EIF4G3: variants seen among roughly 807,000 people sequenced by gnomAD.
The protein encoded by EIF4G3 is eIF-4-gamma 3.
In EIF4G3, 34 loss-of-function variants were observed where a neutral mutation model predicts 186.4. The ratio of observed to expected loss-of-function variants is 0.18; its 90% confidence interval spans 0.14 to 0.24. The LOEUF is 0.24. EIF4G3 is among the 10% of genes least tolerant of loss of function. The pLI is 1.00. For synonymous variants in EIF4G3, 673 were observed against 679.5 expected (o/e 0.99, Z 0.15); for missense variants, 1,536 against 1,948.5 (o/e 0.79, Z 3.99).
intron 3 of EIF4G3, among the ~76,000 whole-genome samples, chr1:21,084,497 C>T (rs1342084625): frequency 1.3e-5 from 2 of 152,158 alleles, no homozygotes; most frequent in Non-Finnish European, 2.9e-5. Context: ...CACCAGGTCC[C>T]TCCCCTGACT....
At chr1:21,160,015 GCT>G in intron 2 of EIF4G3, among the ~76,000 whole-genome samples, 1 of 151,596 alleles carries the variant, frequency 6.6e-6, no homozygotes, top group Non-Finnish European at 1.5e-5. Context: ...CTGTGTTCAA[GCT>G]AATCGCTTGA....
chr1:21,090,599 C>A (rs2096159438), intron 2 of EIF4G3, among the ~76,000 whole-genome samples: 1 of 152,180 alleles, frequency 6.6e-6, no homozygotes, highest in African/African-American at 2.4e-5. Context: ...CAGTCAGTAC[C>A]TCCTTAAAAG....
chr1:21,085,213 T>A (rs1227774154), intron 3 of EIF4G3, among the ~76,000 whole-genome samples: 2 of 152,076 alleles, frequency 1.3e-5, no homozygotes, highest in Non-Finnish European at 2.9e-5. Context: ...CTAGAAGTTT[T>A]CATTTTTACT....
intron 34 of EIF4G3, among the ~76,000 whole-genome samples, chr1:20,815,862 T>G (rs1306951809): frequency 2.2e-5 from 2 of 91,834 alleles, no homozygotes; most frequent in African/African-American, 4.3e-5. Context: ...AGCCGCCCCG[T>G]CCGGGAGGGG....
intron 2 of EIF4G3, among the ~76,000 whole-genome samples, chr1:21,139,786 G>T (rs1469497235): frequency 6.6e-6 from 1 of 152,022 alleles, no homozygotes; most frequent in Non-Finnish European, 1.5e-5. Flanking sequence ...AGACAGCCCT[G>T]AACACCTGGC....
intron 3 of EIF4G3, among the ~76,000 whole-genome samples, chr1:21,062,666 T>C (rs2094984739): frequency 6.6e-6 from 1 of 152,186 alleles, no homozygotes; most frequent in African/African-American, 2.4e-5. Context: ...CTTGGCTCAC[T>C]GCAACCACTG....
Position 21,144,824 on chromosome 1 carries a change from T to A in EIF4G3, c.-272+31351A>T, listed in dbSNP as rs2097406939. On this transcript the variant is annotated intron_variant, in intron 2 of 36. Coordinates refer to ENST00000602326, the MANE Select transcript of EIF4G3 (RefSeq NM_001391906.1). Reference sequence around the variant, plus strand: ...TCATAAGCTTTCTACCTCCTAATCCTTGAAATAGAGGGTTCTCAAACTATG... The same window carrying A: ...TCATAAGCTTTCTACCTCCTAATCCATGAAATAGAGGGTTCTCAAACTATG... Among the ~76,000 whole-genome samples the A allele has an allele frequency of 2.0e-5, 3 of 152,168 alleles. No individual in the cohort carries two copies. In the South Asian group the frequency reaches 6.2e-4, roughly 32 times the overall value.
intron 4 of EIF4G3, among the ~76,000 whole-genome samples, chr1:21,044,354 C>G (rs1432957586): frequency 6.6e-6 from 1 of 152,074 alleles, no homozygotes; most frequent in Non-Finnish European, 1.5e-5. Context: ...GCTAAAGAAT[C>G]CTGGTAAGCT....
At chr1:20,819,638 A>G (rs1332028878) in intron 33 of EIF4G3, among the ~76,000 whole-genome samples, 7 of 152,102 alleles carry the variant, frequency 4.6e-5, no homozygotes, top group Non-Finnish European at 8.8e-5. Context: ...AAATGGTGAC[A>G]ATACATGGAC....
At chr1:20,971,980 T>C (rs1050672109) in intron 11 of EIF4G3, among the ~76,000 whole-genome samples, 2 of 152,126 alleles carry the variant, frequency 1.3e-5, no homozygotes, top group African/African-American at 4.8e-5. Flanking sequence ...AGAGTATTGC[T>C]ATAAATCACC....
intron 2 of EIF4G3, among the ~76,000 whole-genome samples, chr1:21,145,029 G>A (rs955848961): frequency 6.6e-6 from 1 of 152,030 alleles, no homozygotes; most frequent in African/African-American, 2.4e-5. Context: ...TGTAATTCTA[G>A]CACTTTGGGA....
chr1:20,883,121 T>G (rs543460836), intron 19 of EIF4G3, among the ~76,000 whole-genome samples: 33 of 151,992 alleles, frequency 2.2e-4, no homozygotes, highest in Admixed American at 3.9e-4. Flanking sequence ...AAATATCTAG[T>G]TGATGTCCAG....
intron 2 of EIF4G3, among the ~76,000 whole-genome samples, chr1:21,108,647 T>A (rs767897920): frequency 6.8e-6 from 1 of 146,018 alleles, no homozygotes; most frequent in South Asian, 2.2e-4. Flanking sequence ...CTGACACCTG[T>A]AATCCCAGCA....
chr1:20,872,736 T>TTG, intron 20 of EIF4G3, among the ~76,000 whole-genome samples: 1 of 147,784 alleles, frequency 6.8e-6, no homozygotes, highest in Non-Finnish European at 1.5e-5. Flanking sequence ...TTTTTTTTTT[T>TTG]GAGACAGAGC....
intron 29 of EIF4G3, among the ~76,000 whole-genome samples, chr1:20,842,529 GGCTAA>G: frequency 6.6e-6 from 1 of 152,080 alleles, no homozygotes; most frequent in African/African-American, 2.4e-5. Context: ...CACTACGCCT[GGCTAA>G]TTTTGTATTT....
intron 7 of EIF4G3, among the ~76,000 whole-genome samples, chr1:20,989,882 TAA>T (rs2080668954): frequency 6.6e-6 from 1 of 151,988 alleles, no homozygotes; most frequent in Non-Finnish European, 1.5e-5. Flanking sequence ...TTTCATGAAA[TAA>T]AGAGTCCACT....
At chr1:20,967,147 C>G (rs1363832559) in intron 12 of EIF4G3, among the ~76,000 whole-genome samples, 1 of 152,082 alleles carries the variant, frequency 6.6e-6, no homozygotes, top group Admixed American at 6.5e-5. Context: ...AGAGGGATAC[C>G]AGAAGAGGGT....
chr1:20,871,434 CA>C (rs1245470963), intron 20 of EIF4G3, among the ~76,000 whole-genome samples: 1 of 152,136 alleles, frequency 6.6e-6, no homozygotes, highest in Non-Finnish European at 1.5e-5. Context: ...CAGACACTGC[CA>C]AATGTCCTGA....
intron 2 of EIF4G3, among the ~76,000 whole-genome samples, chr1:21,105,739 G>C (rs1296490819): frequency 6.6e-6 from 1 of 152,134 alleles, no homozygotes; most frequent in Non-Finnish European, 1.5e-5. Context: ...CTGGGGTACA[G>C]GTTTTAGGTG....
Sources: allele counts gnomAD v4.1 joint callset (sites outside exome capture counted in the v4.1 genomes callset), GRCh38; gene constraint gnomAD v4.1.1; transcripts MANE v1.5; gene names NCBI Gene and HGNC (gene_info 2026-07-23, HGNC 2026-07-21).